Variants in KLF8 observed in about 807,000 individuals in gnomAD.
KLF8 encodes the protein KLF transcription factor 8.
Under a neutral mutation model 18.2 loss-of-function variants are expected in KLF8, and 10 were observed. The ratio of observed to expected loss-of-function variants is 0.55; its 90% CI spans 0.34 to 0.93. KLF8 has a LOEUF of 0.93. Ranked by LOEUF, KLF8 falls within the 40% of genes least tolerant of loss-of-function variation. KLF8 has a pLI of 0.02. For missense variants in KLF8, 264 were observed against 277.9 expected (o/e 0.95, Z 0.36); for synonymous variants, 109 against 97.3 (o/e 1.12, Z -0.71).
chrX:56,067,375 C>T, the KLF8 span, among the ~76,000 whole-genome samples: 263 of 109,706 alleles, frequency 2.4e-3, 10 homozygotes, highest in East Asian at 0.073. Context: ...TGTCTAGGAA[C>T]TCAGAATGGT....
At chrX:55,984,758 A>AT in the KLF8 span, among the ~76,000 whole-genome samples, 1 of 110,627 alleles carries the variant, frequency 9.0e-6, no homozygotes, top group Non-Finnish European at 1.9e-5. Flanking sequence ...TAAAAGTGTT[A>AT]TTTTTTCTCC....
rs934990777 is a variant in KLF8 at position 56,287,695 on chromosome X, G to T, written c.*3201G>T. The T allele has an allele frequency of 2.7e-5, 3 of 111,390 alleles. No homozygotes were observed. The Admixed American group carries it at 2.9e-4, about 11-fold the overall frequency. The allele number at this position is 111,390 out of a possible 1,213,427, so 9.2% of individuals were successfully genotyped here. On this transcript the variant is annotated 3_prime_UTR_variant, in exon 6 of 6. Coordinates refer to ENST00000468660, the MANE Select transcript of KLF8 (RefSeq NM_007250.5). ...CAGAGTGCATTATGGGCAAGACAAA[G>T]GTTTTCGATATTAACTTCTTTTAAA... is the stretch of plus-strand genomic sequence containing the variant.
the KLF8 span, among the ~76,000 whole-genome samples, chrX:56,044,199 G>A: frequency 3.3e-5 from 3 of 89,655 alleles, no homozygotes; most frequent in Non-Finnish European, 4.4e-5. Flanking sequence ...TCATCCCAGC[G>A]GGGTACTGAC....
At chrX:56,033,410 A>AT in the KLF8 span, among the ~76,000 whole-genome samples, 7 of 110,652 alleles carry the variant, frequency 6.3e-5, no homozygotes, top group African/African-American at 2.0e-4. Context: ...TTCTTTATCA[A>AT]TTTTTTTTGA....
chrX:56,115,101 ATTAT>A, the KLF8 span, among the ~76,000 whole-genome samples: 2 of 111,220 alleles, frequency 1.8e-5, no homozygotes, highest in African/African-American at 3.3e-5. Context: ...TTCTCTTAAA[ATTAT>A]TTATTTATTT....
the KLF8 span, chrX:55,908,451 A>G: frequency 3.4e-6 from 1 of 295,703 alleles, no homozygotes; most frequent in Non-Finnish European, 5.9e-6. Context: ...CGAGACTGGC[A>G]GCTGAGAGAT....
At chrX:56,172,416 T>A in the KLF8 span, among the ~76,000 whole-genome samples, 1 of 111,419 alleles carries the variant, frequency 9.0e-6, no homozygotes, top group Non-Finnish European at 1.9e-5. Context: ...TTCATCCATG[T>A]CCCTACAAAG....
chrX:56,192,319 C>A, the KLF8 span, among the ~76,000 whole-genome samples: 1 of 111,359 alleles, frequency 9.0e-6, no homozygotes, highest in Admixed American at 9.6e-5. Flanking sequence ...GCAATAAATT[C>A]AAGAAGACAA....
At chrX:56,209,268 AGTTACTCCT>A in the KLF8 span, among the ~76,000 whole-genome samples, 1 of 111,562 alleles carries the variant, frequency 9.0e-6, no homozygotes, top group Non-Finnish European at 1.9e-5. Context: ...ATATTAATAT[AGTTACTCCT>A]GCTCTTTTTT....
At position 56,288,300 on chromosome X, in the gene KLF8, T is replaced by A. The variant is rs1039856516; in HGVS notation, c.*3806T>A. Among the ~76,000 whole-genome samples, 6 of 111,351 alleles carry A rather than the reference T, an allele frequency of 5.4e-5. No individual in the cohort carries two copies. In the South Asian group the frequency reaches 1.5e-3, roughly 28 times the overall value. On this transcript the variant is annotated 3_prime_UTR_variant, in exon 6 of 6. Coordinates refer to ENST00000468660, the MANE Select transcript of KLF8 (RefSeq NM_007250.5). ...GATTCCACATTACATCTAATAGTCA[T>A]ATCTCCTTAGGATCCTTTTGATTGT...
At chrX:56,082,140 A>G in the KLF8 span, among the ~76,000 whole-genome samples, 2 of 111,715 alleles carry the variant, frequency 1.8e-5, no homozygotes, top group African/African-American at 3.2e-5. Flanking sequence ...CTGGTTATAG[A>G]TGTATGCAGA....
chrX:55,915,210 A>G, the KLF8 span, among the ~76,000 whole-genome samples: 1 of 111,525 alleles, frequency 9.0e-6, no homozygotes, highest in African/African-American at 3.3e-5. Flanking sequence ...AATTTACTAT[A>G]TCCATTTGAT....
At chrX:56,134,497 C>G in the KLF8 span, among the ~76,000 whole-genome samples, 1 of 111,729 alleles carries the variant, frequency 9.0e-6, no homozygotes, top group African/African-American at 3.2e-5. Context: ...TCACCTTATA[C>G]AAAAATCAAG....
chrX:56,198,246 G>A, the KLF8 span, among the ~76,000 whole-genome samples: 4 of 111,864 alleles, frequency 3.6e-5, no homozygotes, highest in Non-Finnish European at 7.5e-5. Context: ...AGGGCAATCA[G>A]GCAAGAGAAA....
At chrX:55,943,977 G>A in the KLF8 span, among the ~76,000 whole-genome samples, 51 of 112,067 alleles carry the variant, frequency 4.6e-4, no homozygotes, top group Non-Finnish European at 8.5e-4. Context: ...CACTGTTTTT[G>A]TTTTATTCTT....
the KLF8 span, among the ~76,000 whole-genome samples, chrX:55,989,696 A>G: frequency 4.5e-5 from 5 of 111,831 alleles, no homozygotes; most frequent in African/African-American, 1.6e-4. Flanking sequence ...AGGCTTTGGT[A>G]TCAGGATAAT....
At chrX:56,214,857 A>T in the KLF8 span, among the ~76,000 whole-genome samples, 1 of 112,349 alleles carries the variant, frequency 8.9e-6, no homozygotes, top group African/African-American at 3.2e-5. Context: ...CCAACTCCAA[A>T]GTCTAAACTA....
chrX:56,135,673 A>G, the KLF8 span, among the ~76,000 whole-genome samples: 1 of 110,866 alleles, frequency 9.0e-6, no homozygotes, highest in Admixed American at 9.6e-5. Flanking sequence ...CACATTGTGC[A>G]CATGTACCCT....
At chrX:56,076,776 A>G in the KLF8 span, among the ~76,000 whole-genome samples, 1 of 111,460 alleles carries the variant, frequency 9.0e-6, no homozygotes, top group Admixed American at 9.5e-5. Flanking sequence ...AAGTGTTCCT[A>G]TTTCTCCACA....
Sources: gnomAD v4.1 joint callset for allele counts (sites outside exome capture counted in the v4.1 genomes callset) on GRCh38, gnomAD v4.1.1 for gene constraint, MANE v1.5 for transcripts, NCBI Gene and HGNC (gene_info 2026-07-23, HGNC 2026-07-21) for gene names.